Variants in AAGAB observed in about 807,000 individuals in gnomAD.
AAGAB encodes alpha and gamma adaptin binding protein, also known as alpha- and gamma-adaptin-binding protein p34.
A neutral mutation model predicts 44.1 loss-of-function variants in AAGAB; 38 were observed. The observed-to-expected ratio is 0.86, with a 90% CI of 0.67 to 1.13. AAGAB has a LOEUF of 1.13. Ranked by LOEUF, AAGAB falls within the 50% of genes most tolerant of loss-of-function variation. AAGAB has a pLI of 0.00. For synonymous variants in AAGAB, 131 were observed against 131.8 expected (o/e 0.99, Z 0.04); for missense variants, 450 against 373.8 (o/e 1.20, Z -1.68).
upstream of AAGAB, chr15:67,254,976 C>T (rs1199199677): frequency 2.5e-6 from 4 of 1,604,626 alleles, no homozygotes; most frequent in African/African-American, 2.7e-5. Context: ...CCGGCCCTGC[C>T]CTGCCCAGCC....
At chr15:67,231,784 A>T in intron 5 of AAGAB, 30 bp downstream of exon 5, 1 of 1,545,104 alleles carries the variant, frequency 6.5e-7, no homozygotes, top group Non-Finnish European at 8.9e-7. Context: ...AACAAGAGGA[A>T]AAAAATGACT....
chr15:67,247,024 G>A (rs1192707852), intron 1 of AAGAB, among the ~76,000 whole-genome samples: 1 of 152,166 alleles, frequency 6.6e-6, no homozygotes, highest in Non-Finnish European at 1.5e-5. Flanking sequence ...TTTATGAGTT[G>A]TAACACTCAC....
At chr15:67,208,050 G>A (rs913058091) in intron 7 of AAGAB, among the ~76,000 whole-genome samples, 9 of 152,180 alleles carry the variant, frequency 5.9e-5, no homozygotes, top group Non-Finnish European at 8.8e-5. Context: ...TGGTTTTCTG[G>A]CTTTTGGACA....
At chr15:67,227,295 T>G (rs1241211762) in intron 5 of AAGAB, among the ~76,000 whole-genome samples, 3 of 152,182 alleles carry the variant, frequency 2.0e-5, no homozygotes, top group Non-Finnish European at 4.4e-5. Context: ...TTGGTCATTA[T>G]TAATGTCTTG....
chr15:67,205,586 T>C (rs1475489859), intron 7 of AAGAB, among the ~76,000 whole-genome samples: 2 of 152,090 alleles, frequency 1.3e-5, no homozygotes, highest in Non-Finnish European at 2.9e-5. Context: ...CGACACCGTG[T>C]TGGGTGAGGC....
intron 1 of AAGAB, among the ~76,000 whole-genome samples, chr15:67,252,301 G>A (rs2140403724): frequency 6.6e-6 from 1 of 152,214 alleles, no homozygotes; most frequent in East Asian, 1.9e-4. Context: ...TCCATGTATC[G>A]CTAATAGGAT....
At chr15:67,246,316 C>T (rs1000146072) in intron 1 of AAGAB, among the ~76,000 whole-genome samples, 7 of 149,492 alleles carry the variant, frequency 4.7e-5, no homozygotes, top group African/African-American at 9.9e-5. Context: ...CACTTGAGCC[C>T]GGGAGGCGAA....
chr15:67,255,181 A>G (rs934822228), upstream of AAGAB: 2 of 581,976 alleles, frequency 3.4e-6, no homozygotes, highest in Non-Finnish European at 6.2e-6. Context: ...CCTCTGGGAA[A>G]ACTCTAAAAC....
chr15:67,253,510 T>C (rs912875586), intron 1 of AAGAB, among the ~76,000 whole-genome samples: 1 of 151,970 alleles, frequency 6.6e-6, no homozygotes, highest in Non-Finnish European at 1.5e-5. Flanking sequence ...TCTCAGCACT[T>C]AGGGCGGCCA....
chr15:67,255,059 C>A, upstream of AAGAB: 1 of 1,052,844 alleles, frequency 9.5e-7, no homozygotes, highest in Non-Finnish European at 1.4e-6. Context: ...CCCCTAGACT[C>A]CCTCCAACTC....
chr15:67,211,724 G>A (rs1963824986), intron 5 of AAGAB, among the ~76,000 whole-genome samples: 1 of 152,152 alleles, frequency 6.6e-6, no homozygotes, highest in Non-Finnish European at 1.5e-5. Context: ...TTCAAATTCA[G>A]TTCATAAATC....
At chr15:67,235,519 G>T (rs995749413) in intron 4 of AAGAB, among the ~76,000 whole-genome samples, 19 of 152,126 alleles carry the variant, frequency 1.2e-4, no homozygotes, top group Non-Finnish European at 1.5e-5. Flanking sequence ...GGAGGTGGGG[G>T]ATTAAATTTG....
Position 67,209,377 on chromosome 15 carries a change from A to G in AAGAB, c.618+85T>C, listed in dbSNP as rs112294512. ...TCTGTCACCTTTTAAATGGAAAGGA[A>G]AACAATGGTGAATGTGTCAAGATTC... On this transcript the variant is annotated intron_variant, in intron 6 of 9. Coordinates refer to ENST00000261880, the MANE Select transcript of AAGAB (RefSeq NM_024666.5). 469 of 1,165,364 alleles carry G rather than the reference A, an allele frequency of 4.0e-4. 2 individuals are homozygous for G. The African/African-American group carries it at 6.6e-3, about 16-fold the overall frequency. The allele number at this position is 1,165,364 out of a possible 1,614,324, so 72.2% of individuals were successfully genotyped here. A position where few individuals can be genotyped will look rare whatever the true frequency, so the allele number is the denominator to read the frequency against.
At chr15:67,232,076 A>G (rs552242337) in intron 4 of AAGAB, among the ~76,000 whole-genome samples, 179 bp from the exon 5 acceptor site, 75 of 152,014 alleles carry the variant, frequency 4.9e-4, no homozygotes, top group Non-Finnish European at 8.0e-4. Context: ...CAACATAGAG[A>G]AACCCCATCT....
In AAGAB at chr15:67,201,751, CTG is replaced by C. The variant is rs2140339182; in HGVS notation, c.*1068_*1069del. ...ACTTGCCATTTGCTTATCAGTTCCT[CTG>C]GGGCTGACCCACTCAAACAAGACAA... On this transcript the variant is annotated 3_prime_UTR_variant, in exon 10 of 10. Transcript: ENST00000261880. The C allele has an allele frequency of 6.6e-6, 1 of 152,464 alleles. No individual in the cohort carries two copies. Among genetic ancestry groups the C allele is most frequent in the Non-Finnish European group, 1.5e-5 (1 of 68,038 alleles). 9.4% of individuals were successfully genotyped at this position (152,464 alleles called of 1,614,324 possible). A position where few individuals can be genotyped will look rare whatever the true frequency, so the allele number is the denominator to read the frequency against.
intron 5 of AAGAB, among the ~76,000 whole-genome samples, chr15:67,226,353 C>T (rs1055681678): frequency 3.9e-5 from 6 of 152,054 alleles, no homozygotes; most frequent in Non-Finnish European, 1.5e-5. Context: ...AATGCCTGAC[C>T]TCAAACAATC....
intron 5 of AAGAB, among the ~76,000 whole-genome samples, chr15:67,227,744 C>G (rs1176626130): frequency 2.6e-5 from 4 of 152,106 alleles, no homozygotes; most frequent in African/African-American, 9.7e-5. Context: ...ACCATATATC[C>G]ATAGAAAGCT....
chr15:67,235,042 C>T (rs551837069), intron 4 of AAGAB, among the ~76,000 whole-genome samples: 109 of 152,246 alleles, frequency 7.2e-4, no homozygotes, highest in African/African-American at 2.6e-3. Context: ...TATGTCTTAT[C>T]TATGTACTTT....
intron 5 of AAGAB, among the ~76,000 whole-genome samples, chr15:67,212,574 G>A (rs1490886068): frequency 6.6e-6 from 1 of 152,160 alleles, no homozygotes. Context: ...TAAGCCAGAA[G>A]GACTTTTGCT....
Sources: allele counts gnomAD v4.1 joint callset (sites outside exome capture counted in the v4.1 genomes callset), GRCh38; gene constraint gnomAD v4.1.1; transcripts MANE v1.5; gene names NCBI Gene and HGNC (gene_info 2026-07-23, HGNC 2026-07-21).